RUNX1T1: variants seen among roughly 807,000 people sequenced by gnomAD.
The protein encoded by RUNX1T1 is protein CBFA2T1.
In RUNX1T1, 4 loss-of-function variants were observed where a neutral mutation model predicts 62.8. The ratio of observed to expected loss-of-function variants is 0.06; its 90% CI spans 0.03 to 0.15. RUNX1T1 has a LOEUF of 0.15. Among genes scored for constraint, RUNX1T1 ranks in the 10% least tolerant of loss-of-function variants. The probability of loss-of-function intolerance (pLI) is 1.00; values close to 1 mark genes in which losing one functional copy is unlikely to be tolerated. For missense variants in RUNX1T1, 508 were observed against 754.3 expected, an observed-to-expected ratio of 0.67 and a Z score of 3.82; for synonymous variants, 291 against 286.0, an observed-to-expected ratio of 1.02 and a Z score of -0.18.
intron 10 of RUNX1T1, among the ~76,000 whole-genome samples, chr8:91,965,590 CTGTAGGTACCTCCACCAGGA>C (rs929804532): frequency 1.3e-5 from 2 of 152,138 alleles, no homozygotes; most frequent in South Asian, 2.1e-4. Context: ...ACTGCCTGTT[CTGTAGGTACCTCCACCAGGA>C]TGCTCCTCTA....
chr8:92,049,065 C>T (rs575427268), intron 1 of RUNX1T1, among the ~76,000 whole-genome samples: 1 of 152,246 alleles, frequency 6.6e-6, no homozygotes, highest in East Asian at 1.9e-4. Flanking sequence ...ACCTGATCAG[C>T]TGGTTTTTCT....
At chr8:91,993,219 C>A (rs1814032) in intron 5 of RUNX1T1, among the ~76,000 whole-genome samples, 37,017 of 151,996 alleles carry the variant, frequency 0.24, 4,862 homozygotes, top group African/African-American at 0.34. Flanking sequence ...TCTTTGTCTG[C>A]TAACACTAGA....
chr8:91,981,898 T>A (rs977784988), intron 8 of RUNX1T1, among the ~76,000 whole-genome samples: 1 of 152,132 alleles, frequency 6.6e-6, no homozygotes, highest in African/African-American at 2.4e-5. Flanking sequence ...AAAGTGCATT[T>A]ATATTTCAGA....
At chr8:92,079,984 C>T (rs1000373852) in intron 1 of RUNX1T1, among the ~76,000 whole-genome samples, 11 of 151,956 alleles carry the variant, frequency 7.2e-5, no homozygotes, top group Non-Finnish European at 1.3e-4. Context: ...CATGTCCCCC[C>T]ACCCTCTGCA....
At chr8:92,026,071 G>A (rs568616795) in intron 1 of RUNX1T1, among the ~76,000 whole-genome samples, 93 of 152,290 alleles carry the variant, frequency 6.1e-4, no homozygotes, top group Non-Finnish European at 1.1e-3. Flanking sequence ...GTGAACCAAA[G>A]ACATACTTTT....
At chr8:91,989,893 A>G (rs1817310694) in intron 6 of RUNX1T1, among the ~76,000 whole-genome samples, 1 of 152,244 alleles carries the variant, frequency 6.6e-6, no homozygotes, top group Admixed American at 6.5e-5. Flanking sequence ...CAGACTGGCT[A>G]TTAAGAAAGC....
intron 8 of RUNX1T1, among the ~76,000 whole-genome samples, chr8:91,985,014 G>A (rs1443559): frequency 0.21 from 31,273 of 152,028 alleles, 3,294 homozygotes; most frequent in Middle Eastern, 0.26. Flanking sequence ...AAACTACACT[G>A]GCTGGGAACA....
At chr8:92,036,673 T>C (rs1827474482) in intron 1 of RUNX1T1, among the ~76,000 whole-genome samples, 1 of 152,190 alleles carries the variant, frequency 6.6e-6, no homozygotes, top group African/African-American at 2.4e-5. Flanking sequence ...CTACTCTTTA[T>C]CTCCTTTTTT....
chr8:91,983,373 T>C (rs1815850046), intron 8 of RUNX1T1, among the ~76,000 whole-genome samples: 1 of 152,158 alleles, frequency 6.6e-6, no homozygotes, highest in African/African-American at 2.4e-5. Flanking sequence ...ATCATGAAAG[T>C]TACATTCTCC....
At chr8:92,050,708 T>G (rs1004472998) in intron 1 of RUNX1T1, among the ~76,000 whole-genome samples, 1 of 152,206 alleles carries the variant, frequency 6.6e-6, no homozygotes, top group African/African-American at 2.4e-5. Flanking sequence ...CTCATCTCAT[T>G]CTTTCCAGGG....
At chr8:92,058,383 T>G (rs1831382642) in intron 1 of RUNX1T1, among the ~76,000 whole-genome samples, 1 of 152,240 alleles carries the variant, frequency 6.6e-6, no homozygotes, top group African/African-American at 2.4e-5. Context: ...GGCACACTTT[T>G]GCCATAGGCC....
chr8:92,045,361 C>G (rs960839108), intron 1 of RUNX1T1, among the ~76,000 whole-genome samples: 10 of 152,070 alleles, frequency 6.6e-5, no homozygotes, highest in African/African-American at 2.4e-4. Context: ...ATTCCTCACC[C>G]AAACTACCAT....
chr8:92,074,587 C>T lies in RUNX1T1; in HGVS notation c.88+1378G>A, dbSNP rs542333163. Among the ~76,000 whole-genome samples, 157 of 152,192 alleles carry T rather than the reference C, an allele frequency of 1.0e-3. 1 individual carries two copies. Among genetic ancestry groups the T allele is most frequent in the Middle Eastern group, 3.4e-3 (1 of 294 alleles). ...AGATGACAAGAAAACAATTCTAAAG[C>T]GGGATGGTTATTATTATTAGATTTT... On this transcript the variant is annotated intron_variant, in intron 2 of 11. Coordinates refer to the RUNX1T1 transcript ENST00000265814.
In RUNX1T1 at chr8:92,062,705, T is replaced by C. The variant is rs1396188084; in HGVS notation, c.-153A>G. The C allele has an allele frequency of 4.4e-6, 7 of 1,581,830 alleles. No individual in the cohort carries two copies. The Admixed American group carries it at 1.2e-4, about 27-fold the overall frequency. On this transcript the variant is annotated 5_prime_UTR_variant, in exon 1 of 11. Transcript: ENST00000396218. ...CGCCGGAGGCAGGGTGCTGGGCGCG[T>C]GCGCCTGCCAGGCAGAGACAGATGG...
intron 9 of RUNX1T1, 44 bp from the exon 11 acceptor site, chr8:91,970,892 G>A (rs1035607523): frequency 2.7e-6 from 4 of 1,472,152 alleles, no homozygotes; most frequent in Non-Finnish European, 3.6e-6. Flanking sequence ...ACACCTCTCA[G>A]TTAGCCGAAG....
intron 9 of RUNX1T1, 28 bp downstream of exon 10, chr8:91,975,877 G>C: frequency 6.6e-7 from 1 of 1,525,586 alleles, no homozygotes; most frequent in Non-Finnish European, 9.1e-7. Context: ...GCCAGAACAC[G>C]AAACTCATGT....
At chr8:92,055,699 A>C (rs1414533240) in intron 1 of RUNX1T1, among the ~76,000 whole-genome samples, 1 of 152,188 alleles carries the variant, frequency 6.6e-6, no homozygotes, top group African/African-American at 2.4e-5. Context: ...ATCATTTTCT[A>C]TATTTTCTAA....
At chr8:92,102,814 C>A (rs1369305334), upstream of RUNX1T1, 3 of 1,491,994 alleles carry the variant, frequency 2.0e-6, no homozygotes, top group East Asian at 2.7e-5. The surrounding 1 kb of genome is among the most constrained non-coding windows in gnomAD (Gnocchi z 4.5). Flanking sequence ...GGGGCCCGAC[C>A]CCGCCGCCCG....
At chr8:91,975,948 C>T in exon 9 of RUNX1T1, 1 of 1,613,620 alleles carries the variant, frequency 6.2e-7, no homozygotes, top group Non-Finnish European at 8.5e-7. Context: ...CAGACGCAGG[C>T]CTGTGAAGGA....
Sources: allele counts gnomAD v4.1 joint callset (sites outside exome capture counted in the v4.1 genomes callset), GRCh38; gene constraint gnomAD v4.1.1; non-coding constraint Gnocchi (gnomAD v3.1); transcripts MANE v1.5; gene names NCBI Gene and HGNC (gene_info 2026-07-23, HGNC 2026-07-21).